RSPO2: variants seen among roughly 807,000 people sequenced by gnomAD.
RSPO2 encodes the protein R-spondin-2.
In RSPO2, 14 loss-of-function variants were observed where a neutral mutation model predicts 30.9. The observed-to-expected ratio is 0.45, with a 90% CI of 0.30 to 0.71. The LOEUF is 0.71. Among genes scored for constraint, RSPO2 ranks in the 30% least tolerant of loss-of-function variants. The probability of loss-of-function intolerance (pLI) is 0.08; values close to 1 mark genes in which losing one functional copy is unlikely to be tolerated. For missense variants in RSPO2, 264 were observed against 301.9 expected (o/e 0.87, Z 0.93); for synonymous variants, 107 against 96.4 (o/e 1.11, Z -0.64).
At chr8:108,001,333 G>A (rs1275698067) in intron 2 of RSPO2, among the ~76,000 whole-genome samples, 1 of 152,194 alleles carries the variant, frequency 6.6e-6, no homozygotes, top group Admixed American at 6.5e-5. Flanking sequence ...CCTCAATTTA[G>A]CATAAACAAT....
intron 5 of RSPO2, among the ~76,000 whole-genome samples, chr8:107,937,032 C>T (rs997371126): frequency 2.6e-5 from 4 of 151,896 alleles, no homozygotes; most frequent in African/African-American, 4.8e-5. Context: ...GTTGTCTGTA[C>T]TTTCAAGGTC....
chr8:107,982,702 C>T (rs552104848), intron 3 of RSPO2, among the ~76,000 whole-genome samples: 1 of 152,234 alleles, frequency 6.6e-6, no homozygotes, highest in South Asian at 2.1e-4. Context: ...AGCGACCCAA[C>T]AAAAACAATG....
rs896952014 is a variant in RSPO2 at position 107,928,800 on chromosome 8, G to A, written c.617-27610C>T. ...GTAGTTCCTATGAGATAAAGTTGGCGTTATGATTAAATAAGGAAATTAAGT... is the reference window on the plus strand; with the variant it reads ...GTAGTTCCTATGAGATAAAGTTGGCATTATGATTAAATAAGGAAATTAAGT... On this transcript the variant is annotated intron_variant, in intron 5 of 5. Transcript: ENST00000276659. Among the ~76,000 whole-genome samples, 7 of 152,144 alleles carry A rather than the reference G, an allele frequency of 4.6e-5. No individual in the cohort carries two copies. The East Asian group carries it at 7.7e-4, about 17-fold the overall frequency.
At chr8:108,030,145 C>T in intron 2 of RSPO2, among the ~76,000 whole-genome samples, 1 of 113,182 alleles carries the variant, frequency 8.8e-6, no homozygotes, top group South Asian at 2.7e-4. Flanking sequence ...AAAAAAAAAG[C>T]TAGGCATATG....
chr8:108,063,748 T>C lies in RSPO2; in HGVS notation c.94+18797A>G, dbSNP rs575912489. 5.5e-3 allele frequency among the ~76,000 whole-genome samples: 842 copies of C among 152,060 alleles called. 4 individuals carry two copies. The highest frequency in any genetic ancestry group is 9.0e-3 in the Non-Finnish European group (615 of 68,024). On this transcript the variant is annotated intron_variant, in intron 2 of 5. Transcript: ENST00000276659. ...CAATCCTAAGCCAAAAGAACAAAGC[T>C]GGAGGCATCACGCTACCTGACTTCA...
At chr8:108,082,522 A>G (rs764361551) in intron 2 of RSPO2, 23 bp downstream of exon 2, 59 of 1,597,250 alleles carry the variant, frequency 3.7e-5, no homozygotes, top group Non-Finnish European at 4.8e-5. Context: ...CCCACCACGC[A>G]CCTTTGGCAG....
chr8:108,016,610 C>T (rs973331381), intron 2 of RSPO2, among the ~76,000 whole-genome samples: 1 of 152,120 alleles, frequency 6.6e-6, no homozygotes, highest in Non-Finnish European at 1.5e-5. Context: ...TTAACATATA[C>T]ACACACTATG....
chr8:107,902,783 T>A (rs1811519620), intron 5 of RSPO2, among the ~76,000 whole-genome samples: 1 of 152,060 alleles, frequency 6.6e-6, no homozygotes, highest in South Asian at 2.1e-4. Flanking sequence ...GAAAAAAAGA[T>A]TTAAAAGAAT....
At chr8:108,057,784 T>C (rs534808282) in intron 2 of RSPO2, among the ~76,000 whole-genome samples, 41 of 151,630 alleles carry the variant, frequency 2.7e-4, no homozygotes, top group Non-Finnish European at 5.3e-4. Flanking sequence ...GTTTCTTCAG[T>C]TTGCAATACT....
At position 108,056,755 on chromosome 8, in the gene RSPO2, C is replaced by G. The variant is rs188968222; in HGVS notation, c.94+25790G>C. ...GTATTTCTAGTTCCATAAATGATTC[C>G]TAAGATAAAAAAGATGTGGGCCAGG... On this transcript the variant is annotated intron_variant, in intron 2 of 5. Coordinates refer to ENST00000276659, the MANE Select transcript of RSPO2 (RefSeq NM_178565.5). 8.2e-4 allele frequency among the ~76,000 whole-genome samples: 124 copies of G among 150,932 alleles called. 2 individuals carry two copies. The highest frequency in any genetic ancestry group is 3.5e-3 in the Middle Eastern group (1 of 288).
rs145461848 is a variant in RSPO2, at chr8:107,977,691, A to AT, written c.283+11364dup. Among the ~76,000 whole-genome samples the AT allele has an allele frequency of 6.5e-3, 991 of 152,134 alleles. 13 individuals carry two copies. Among genetic ancestry groups the AT allele is most frequent in the African/African-American group, 0.022 (921 of 41,492 alleles). Reference sequence around the variant, plus strand: ...TTGCCATTCACTGTAGAGGAAAATAATTTTCCCAATATATGGCCCTCTGTT... The same window carrying AT: ...TTGCCATTCACTGTAGAGGAAAATAATTTTTCCCAATATATGGCCCTCTGTT... On this transcript the variant is annotated intron_variant, in intron 3 of 5. Transcript: ENST00000276659.
intron 2 of RSPO2, among the ~76,000 whole-genome samples, chr8:108,078,528 T>TAA (rs35764280): frequency 6.6e-6 from 1 of 150,792 alleles, no homozygotes; most frequent in African/African-American, 2.4e-5. Context: ...AAAGTATTTG[T>TAA]AAAAAAAAAA....
At chr8:108,043,868 G>T (rs1177454719) in intron 2 of RSPO2, among the ~76,000 whole-genome samples, 1 of 151,966 alleles carries the variant, frequency 6.6e-6, no homozygotes, top group Non-Finnish European at 1.5e-5. Context: ...TTGTCTTAAT[G>T]ACCAGGAATT....
intron 5 of RSPO2, among the ~76,000 whole-genome samples, chr8:107,951,052 TGTTG>T (rs1394857908): frequency 4.1e-5 from 6 of 147,236 alleles, no homozygotes; most frequent in African/African-American, 1.0e-4. Flanking sequence ...AGTTTTTTTT[TGTTG>T]TTGTTGTTGT....
At chr8:108,046,598 T>C (rs1811914616) in intron 2 of RSPO2, among the ~76,000 whole-genome samples, 1 of 152,028 alleles carries the variant, frequency 6.6e-6, no homozygotes, top group African/African-American at 2.4e-5. Context: ...TGGCCTGAAA[T>C]TGGGCACCTT....
chr8:107,978,464 A>G (rs1814294812), intron 3 of RSPO2, among the ~76,000 whole-genome samples: 1 of 152,188 alleles, frequency 6.6e-6, no homozygotes. Context: ...TGCTGGGAAA[A>G]CTGGCTAGCC....
At chr8:107,962,838 A>T (rs371756210) in intron 3 of RSPO2, among the ~76,000 whole-genome samples, 2 of 152,310 alleles carry the variant, frequency 1.3e-5, no homozygotes, top group East Asian at 3.9e-4. Context: ...TTTACACTTC[A>T]TAAATCAGCT....
chr8:107,981,798 C>A (rs373343594), intron 3 of RSPO2, among the ~76,000 whole-genome samples: 118 of 151,798 alleles, frequency 7.8e-4, no homozygotes, highest in East Asian at 4.3e-3. Flanking sequence ...AGTTAGAAAC[C>A]AGCCAACATG....
At chr8:108,066,987 C>T (rs1306839398) in intron 2 of RSPO2, among the ~76,000 whole-genome samples, 3 of 152,242 alleles carry the variant, frequency 2.0e-5, no homozygotes, top group Admixed American at 2.0e-4. Flanking sequence ...GAATCTAATC[C>T]AACCTTCAAG....
Sources: allele counts gnomAD v4.1 joint callset (sites outside exome capture counted in the v4.1 genomes callset), GRCh38; gene constraint gnomAD v4.1.1; transcripts MANE v1.5; gene names NCBI Gene and HGNC (gene_info 2026-07-23, HGNC 2026-07-21).